The following GREB1L variants were observed in gnomAD, a reference collection of about 807,000 sequenced individuals.
The protein encoded by GREB1L is GREB1-like protein.
GREB1L carries 17 observed loss-of-function variants against 200.8 expected under a neutral mutation model. The observed-to-expected ratio is 0.08, with a 90% CI of 0.06 to 0.13. The LOEUF (loss-of-function observed/expected upper bound fraction) is 0.13. Ranked by LOEUF, GREB1L falls within the 10% of genes least tolerant of loss-of-function variation. The probability of loss-of-function intolerance (pLI) is 1.00; values close to 1 mark genes in which losing one functional copy is unlikely to be tolerated. For synonymous variants in GREB1L, 789 were observed against 893.0 expected, an observed-to-expected ratio of 0.88 and a Z score of 2.08; for missense variants, 1,657 against 2,367.7, an observed-to-expected ratio of 0.70 and a Z score of 6.23.
At chr18:21,392,165 T>G (rs1301096886) in intron 4 of GREB1L, among the ~76,000 whole-genome samples, 1 of 152,230 alleles carries the variant, frequency 6.6e-6, no homozygotes, top group Non-Finnish European at 1.5e-5. Flanking sequence ...CAAGAAAGAT[T>G]ATCTACAGGG....
At chr18:21,462,424 A>G (rs2035082336) in intron 15 of GREB1L, among the ~76,000 whole-genome samples, 1 of 152,136 alleles carries the variant, frequency 6.6e-6, no homozygotes, top group African/African-American at 2.4e-5. Context: ...GCTAATGAAA[A>G]AGTTTATTTG....
chr18:21,293,314 A>G (rs1374649125), intron 1 of GREB1L, among the ~76,000 whole-genome samples: 3 of 152,230 alleles, frequency 2.0e-5, no homozygotes, highest in African/African-American at 7.2e-5. Flanking sequence ...CAAATAAAAT[A>G]CAGCCAAACT....
chr18:21,482,465 G>A (rs1442356463), intron 17 of GREB1L, among the ~76,000 whole-genome samples: 1 of 152,050 alleles, frequency 6.6e-6, no homozygotes, highest in Non-Finnish European at 1.5e-5. Context: ...CACCGTGTTG[G>A]CCAGGTTGGT....
At chr18:21,282,275 T>TA (rs1199022409) in intron 1 of GREB1L, among the ~76,000 whole-genome samples, 4 of 151,262 alleles carry the variant, frequency 2.6e-5, no homozygotes, top group African/African-American at 7.3e-5. Flanking sequence ...CCCCATCTCT[T>TA]AAAAAAAAAT....
At chr18:21,401,788 G>C (rs914458951) in intron 6 of GREB1L, 6 of 152,332 alleles carry the variant, frequency 3.9e-5, no homozygotes, top group Admixed American at 2.0e-4. Context: ...AGTTGTCCAA[G>C]TGTTATTTCT....
At chr18:21,396,288 G>A (rs905014870) in intron 5 of GREB1L, among the ~76,000 whole-genome samples, 1 of 152,018 alleles carries the variant, frequency 6.6e-6, no homozygotes, top group East Asian at 1.9e-4. Flanking sequence ...CAGATGATCT[G>A]CCTGCCTTGG....
chr18:21,505,770 T>C (rs1438047253), intron 24 of GREB1L, 40 bp from the exon 25 acceptor site: 4 of 1,533,188 alleles, frequency 2.6e-6, no homozygotes, highest in Non-Finnish European at 3.5e-6. Flanking sequence ...AGGGAAAACA[T>C]GTTATCTCAT....
At chr18:21,353,748 T>C (rs2039466819) in intron 1 of GREB1L, among the ~76,000 whole-genome samples, 1 of 152,160 alleles carries the variant, frequency 6.6e-6, no homozygotes, top group African/African-American at 2.4e-5. Context: ...AAATTTAATC[T>C]TTTATTCTTT....
rs2037638601 is a variant in GREB1L at position 21,523,610 on chromosome 18, GA to G, written c.*791del. ...TGGAACAGTGATTAATCTTTTGCAA[GA>G]ACTTAAGTCAGTTAAGAAGCTTTCA... On this transcript the variant is annotated 3_prime_UTR_variant, in exon 33 of 33. Transcript: ENST00000424526. The G allele has an allele frequency of 6.6e-6, 1 of 152,172 alleles. No individual in the cohort carries two copies. Among genetic ancestry groups the G allele is most frequent in the Non-Finnish European group, 1.5e-5 (1 of 68,046 alleles). 9.4% of individuals were successfully genotyped at this position (152,172 alleles called of 1,614,324 possible).
intron 7 of GREB1L, among the ~76,000 whole-genome samples, chr18:21,434,523 G>A (rs1295577676): frequency 2.2e-4 from 28 of 129,078 alleles, no homozygotes; most frequent in East Asian, 8.8e-4. Flanking sequence ...GTGTGTGTGT[G>A]TGTGTGTGTA....
intron 1 of GREB1L, among the ~76,000 whole-genome samples, chr18:21,268,560 C>CACATATATAT (rs1204514384): frequency 1.5e-3 from 98 of 63,508 alleles, no homozygotes; most frequent in African/African-American, 3.6e-3. Context: ...CACACACACA[C>CACATATATAT]ATATATATAT....
At chr18:21,335,767 C>T (rs1292892157) in intron 1 of GREB1L, among the ~76,000 whole-genome samples, 1 of 151,634 alleles carries the variant, frequency 6.6e-6, no homozygotes, top group African/African-American at 2.4e-5. Context: ...GGGTTCATGC[C>T]ATTCTCCTGC....
intron 7 of GREB1L, among the ~76,000 whole-genome samples, chr18:21,426,724 A>G (rs376443907): frequency 6.6e-6 from 1 of 151,984 alleles, no homozygotes; most frequent in Non-Finnish European, 1.5e-5. Context: ...GTTGGGAGGC[A>G]GAGGCGGGCG....
intron 2 of GREB1L, among the ~76,000 whole-genome samples, chr18:21,376,812 CAAAAAAAAAAAA>C (rs534144361): frequency 1.7e-5 from 1 of 59,644 alleles, no homozygotes; most frequent in Non-Finnish European, 3.5e-5. Context: ...GAGTCCGTCT[CAAAAAAAAAAAA>C]AAAAAAAAAG....
intron 15 of GREB1L, among the ~76,000 whole-genome samples, chr18:21,469,092 T>A (rs1438889929): frequency 2.6e-5 from 4 of 152,238 alleles, no homozygotes; most frequent in Non-Finnish European, 5.9e-5. Flanking sequence ...TTTTGAGCAA[T>A]GGTAATATCC....
Position 21,330,004 on chromosome 18 carries a change from T to G in GREB1L, c.-119-36023T>G, listed in dbSNP as rs192171555. Reference sequence around the variant, plus strand: ...GGGTCTTTATCTTGGATATAACTTTTTCCCTAGGTCTTCAAAGGGGTCATC... The same window carrying G: ...GGGTCTTTATCTTGGATATAACTTTGTCCCTAGGTCTTCAAAGGGGTCATC... On this transcript the variant is annotated intron_variant, in intron 1 of 32. Coordinates refer to ENST00000424526, the MANE Select transcript of GREB1L (RefSeq NM_001142966.3). 5.7e-4 allele frequency among the ~76,000 whole-genome samples: 87 copies of G among 152,088 alleles called. No individual in the cohort carries two copies. The East Asian group carries it at 0.015, about 26-fold the overall frequency.
intron 1 of GREB1L, among the ~76,000 whole-genome samples, 178 bp downstream of exon 1, chr18:21,242,571 C>A (rs757188325): frequency 6.6e-6 from 1 of 152,124 alleles, no homozygotes; most frequent in Admixed American, 6.5e-5. Flanking sequence ...GGGGTGTGAG[C>A]GGAGCGCGTG....
At position 21,483,635 on chromosome 18, in the gene GREB1L, A is replaced by G. The variant is rs117501960; in HGVS notation, c.2557-1985A>G. Among the ~76,000 whole-genome samples, 705 of 152,142 alleles carry G rather than the reference A, an allele frequency of 4.6e-3. 2 individuals carry two copies. The highest frequency in any genetic ancestry group is 0.037 in the Middle Eastern group (11 of 294). Reference sequence around the variant, plus strand: ...TTAAAACATGCTTTATTTTTATCTTATGGACCTTATAAATCATACAGTTGT... The same window carrying G: ...TTAAAACATGCTTTATTTTTATCTTGTGGACCTTATAAATCATACAGTTGT... On this transcript the variant is annotated intron_variant, in intron 17 of 32. Coordinates refer to ENST00000424526, the MANE Select transcript of GREB1L (RefSeq NM_001142966.3).
At chr18:21,456,516 C>T (rs1381348686) in intron 15 of GREB1L, among the ~76,000 whole-genome samples, 6 of 152,058 alleles carry the variant, frequency 3.9e-5, no homozygotes, top group Admixed American at 3.9e-4. Flanking sequence ...GTTCCAGAGG[C>T]CAAATGAGCT....
Sources: allele counts gnomAD v4.1 joint callset (sites outside exome capture counted in the v4.1 genomes callset), GRCh38; gene constraint gnomAD v4.1.1; transcripts MANE v1.5; gene names NCBI Gene and HGNC (gene_info 2026-07-23, HGNC 2026-07-21).